The following POLR3E variants were observed in gnomAD, a reference collection of about 807,000 sequenced individuals.
The protein encoded by POLR3E is RNA polymerase III subunit E.
A neutral mutation model predicts 96.6 loss-of-function variants in POLR3E; 41 were observed. That is an observed-to-expected ratio of 0.42 (90% CI 0.33 to 0.55). POLR3E has a LOEUF of 0.55. POLR3E is among the 20% of genes least tolerant of loss of function. The probability of loss-of-function intolerance (pLI) is 0.06; values close to 1 mark genes in which losing one functional copy is unlikely to be tolerated. For missense variants in POLR3E, 849 were observed against 952.1 expected, an observed-to-expected ratio of 0.89 and a Z score of 1.43; for synonymous variants, 396 against 383.6, an observed-to-expected ratio of 1.03 and a Z score of -0.38.
In POLR3E at chr16:22,313,351, C is replaced by T. The variant is rs1180128768; in HGVS notation, c.365-269C>T. 6.6e-6 allele frequency among the ~76,000 whole-genome samples: 1 copy of T among 152,068 alleles called. No individual in the cohort carries two copies. Among genetic ancestry groups the T allele is most frequent in the Non-Finnish European group, 1.5e-5 (1 of 68,020 alleles). ...CTGGGGAGAGGGGCGTGGAACCAGA[C>T]TGGGAGGTGGGACTGAAGGAAGTGG... On this transcript the variant is annotated intron_variant, in intron 6 of 20. Coordinates refer to ENST00000299853, the MANE Select transcript of POLR3E (RefSeq NM_018119.4). This position sits in a 1 kb window ranked among gnomAD's most constrained non-coding sequence, Gnocchi z 4.1.
At chr16:22,309,355 G>A (rs2141750227) in intron 5 of POLR3E, 73 bp from the exon 6 acceptor site, 1 of 1,101,486 alleles carries the variant, frequency 9.1e-7, no homozygotes, top group Non-Finnish European at 1.4e-6. Flanking sequence ...TCTAGGGGGT[G>A]GGGTGCGCTG....
At chr16:22,305,318 G>A in intron 3 of POLR3E, 112 bp downstream of exon 3, 1 of 817,486 alleles carries the variant, frequency 1.2e-6, no homozygotes, top group South Asian at 1.3e-5. Flanking sequence ...TTCTCGGTGT[G>A]GAGAGTGTCA....
At chr16:22,305,337 CTT>C in intron 3 of POLR3E, 131 bp downstream of exon 3, 6 of 768,012 alleles carry the variant, frequency 7.8e-6, no homozygotes, top group Non-Finnish European at 4.7e-6. Flanking sequence ...CATGGGGTCT[CTT>C]TGCTTTCGTG....
At chr16:22,317,345 C>T (rs978233649) in intron 12 of POLR3E, 139 bp downstream of exon 12, 2 of 661,238 alleles carry the variant, frequency 3.0e-6, no homozygotes, top group African/African-American at 1.8e-5. Flanking sequence ...GCAGCTGCAT[C>T]CTTGTCTGGA....
At position 22,324,384 on chromosome 16, in the gene POLR3E, G is replaced by A. The variant is rs771581727; in HGVS notation, c.1099G>A (p.Val367Ile). 2 of 1,612,904 alleles carry A rather than the reference G, an allele frequency of 1.2e-6. No individual in the cohort carries two copies. Among genetic ancestry groups the A allele is most frequent in the South Asian group, 2.2e-5 (2 of 91,052 alleles). The change falls in exon 15 of 21, where the codon GTT becomes ATT. Residue 367 changes from valine (V) to isoleucine (I), a missense_variant. Coordinates refer to ENST00000299853, the MANE Select transcript of POLR3E (RefSeq NM_018119.4). ...MWKFTQSRWV[V>I]RKEVATVTKL... is the part of the protein sequence containing the mutation. ...GAAGTTCACGCAGAGCCGCTGGGTG[G>A]TTAGGAAAGAGGTGGCAACCGTGAC...
In POLR3E at chr16:22,326,227, C is replaced by T. The variant is rs1374276168; in HGVS notation, c.1815C>T (p.Arg605=). 2 of 1,613,084 alleles carry T rather than the reference C, an allele frequency of 1.2e-6. No homozygotes were observed. Among genetic ancestry groups the T allele is most frequent in the South Asian group, 2.2e-5 (2 of 91,014 alleles). The change falls in exon 18 of 21, where the codon CGC becomes CGT. Residue 605 remains arginine, a synonymous_variant. Transcript: ENST00000299853. ...GHTLFSGISD[R]MLQDTVLAAG... is the part of the protein sequence containing the mutation. Reference sequence around the variant, plus strand: ...CACTCTTCAGCGGCATCTCGGACCGCATGCTACAGGACACGGTGCTGGCCG... The same window carrying T: ...CACTCTTCAGCGGCATCTCGGACCGTATGCTACAGGACACGGTGCTGGCCG...
At chr16:22,312,525 A>C (rs537330600) in intron 6 of POLR3E, among the ~76,000 whole-genome samples, 42 of 152,096 alleles carry the variant, frequency 2.8e-4, no homozygotes, top group African/African-American at 8.7e-4. Flanking sequence ...GTATGCCTTA[A>C]ATGAGTGGAC....
At chr16:22,331,717 C>T (rs12599197) in intron 19 of POLR3E, 5,331 of 176,534 alleles carry the variant, frequency 0.03, 192 homozygotes, top group East Asian at 0.11. Context: ...TTGCTAAGTC[C>T]GATGCACGCC....
In POLR3E at chr16:22,313,047, G is replaced by A. The variant is rs182072159; in HGVS notation, c.365-573G>A. ...TGTCTCAAGCATGTAATTCTTGAAA[G>A]CCACATCCCTTGCAGCGGGAGGGAA... On this transcript the variant is annotated intron_variant, in intron 6 of 20. Transcript: ENST00000299853. The surrounding 1 kb of genome is among the most constrained non-coding windows in gnomAD (Gnocchi z 4.1). 6.6e-6 allele frequency among the ~76,000 whole-genome samples: 1 copy of A among 152,120 alleles called. No individual in the cohort carries two copies. The highest frequency in any genetic ancestry group is 1.5e-5 in the Non-Finnish European group (1 of 68,040).
chr16:22,323,758 G>A (rs903385584), intron 14 of POLR3E, among the ~76,000 whole-genome samples: 5 of 152,088 alleles, frequency 3.3e-5, no homozygotes, highest in African/African-American at 7.2e-5. Flanking sequence ...TGCCCGCCCC[G>A]CTCCAGTGTG....
At chr16:22,327,235 A>T (rs1309850609) in intron 18 of POLR3E, 1 of 152,244 alleles carries the variant, frequency 6.6e-6, no homozygotes, top group Non-Finnish European at 1.5e-5. Flanking sequence ...ATCCCTGTGT[A>T]TGAGGAATAG....
At chr16:22,330,086 C>T (rs919160627) in intron 19 of POLR3E, among the ~76,000 whole-genome samples, 6 of 147,990 alleles carry the variant, frequency 4.1e-5, no homozygotes, top group Non-Finnish European at 7.4e-5. Flanking sequence ...AGATAGATAG[C>T]GTCTTGCTCT....
chr16:22,302,850 G>C, intron 1 of POLR3E, 81 bp from the exon 2 acceptor site: 2 of 949,618 alleles, frequency 2.1e-6, no homozygotes, highest in Non-Finnish European at 3.5e-6. Flanking sequence ...CCCCCTCCCA[G>C]TGCAGGGCCT....
chr16:22,319,397 GTTTT>G (rs953926840), intron 13 of POLR3E, among the ~76,000 whole-genome samples: 3 of 150,350 alleles, frequency 2.0e-5, no homozygotes, highest in African/African-American at 7.3e-5. Flanking sequence ...ACTGTTTTTT[GTTTT>G]TTTGTTTTTT....
At chr16:22,320,288 G>GTC (rs1033124336) in intron 13 of POLR3E, among the ~76,000 whole-genome samples, 5 of 151,554 alleles carry the variant, frequency 3.3e-5, no homozygotes, top group African/African-American at 1.2e-4. Context: ...TTTTGAGATA[G>GTC]TCTCTCTCTC....
At chr16:22,330,654 T>C (rs1204002077) in intron 19 of POLR3E, among the ~76,000 whole-genome samples, 1 of 152,212 alleles carries the variant, frequency 6.6e-6, no homozygotes, top group African/African-American at 2.4e-5. Flanking sequence ...CTGGAATCTC[T>C]GCTTCTTCCT....
At chr16:22,329,952 T>A (rs1454712781) in intron 19 of POLR3E, among the ~76,000 whole-genome samples, 5 of 147,144 alleles carry the variant, frequency 3.4e-5, no homozygotes, top group South Asian at 4.3e-4. Flanking sequence ...TGCCCCCATT[T>A]AAAAAAAAAA....
At chr16:22,312,366 G>A (rs1567314940) in intron 6 of POLR3E, among the ~76,000 whole-genome samples, 1 of 152,030 alleles carries the variant, frequency 6.6e-6, no homozygotes, top group Non-Finnish European at 1.5e-5. Flanking sequence ...GCGTGGTGGT[G>A]AGTGCCTGTA....
chr16:22,331,950 T>C, intron 19 of POLR3E, 110 bp from the exon 20 acceptor site: 1 of 1,119,426 alleles, frequency 8.9e-7, no homozygotes, highest in Non-Finnish European at 1.3e-6. Context: ...GTGAGGGTTT[T>C]TATCAGAGAC....
Sources: gnomAD v4.1 joint callset for allele counts (sites outside exome capture counted in the v4.1 genomes callset) on GRCh38, gnomAD v4.1.1 for gene constraint, Gnocchi (gnomAD v3.1) non-coding constraint, MANE v1.5 for transcripts, NCBI Gene and HGNC (gene_info 2026-07-23, HGNC 2026-07-21) for gene names.